The following MINAR1 variants were observed in gnomAD, a reference collection of about 807,000 sequenced individuals.
MINAR1 encodes the protein major intrinsically disordered Notch2-binding receptor 1.
MINAR1 carries 40 observed loss-of-function variants against 65.1 expected under a neutral mutation model. The observed-to-expected ratio is 0.61, with a 90% confidence interval of 0.48 to 0.80. The LOEUF (loss-of-function observed/expected upper bound fraction) is 0.80, where lower values mean the gene tolerates loss of function less well. Among genes scored for constraint, MINAR1 ranks in the 30% least tolerant of loss-of-function variants. The pLI, the probability that MINAR1 is intolerant of heterozygous loss-of-function variation, is 0.00. For missense variants in MINAR1, 1,128 were observed against 1,148.0 expected (o/e 0.98, Z 0.25); for synonymous variants, 482 against 449.1 (o/e 1.07, Z -0.93).
chr15:79,452,054 G>A (rs1895221751), intron 1 of MINAR1, among the ~76,000 whole-genome samples: 1 of 152,200 alleles, frequency 6.6e-6, no homozygotes, highest in Non-Finnish European at 1.5e-5. Flanking sequence ...GTGAATGTGT[G>A]TGTGTGCAGA....
chr15:79,420,062 G>A, the MINAR1 span: 1 of 151,224 alleles, frequency 6.6e-6, no homozygotes, highest in Non-Finnish European at 1.5e-5. Context: ...CAAAGACAAA[G>A]AAAATTCTTT....
At chr15:79,450,811 C>G (rs1895167403) in intron 1 of MINAR1, among the ~76,000 whole-genome samples, 1 of 152,188 alleles carries the variant, frequency 6.6e-6, no homozygotes, top group Admixed American at 6.5e-5. Flanking sequence ...TTTTTATAAC[C>G]TGCAGAGGGT....
chr15:79,418,164 G>T, the MINAR1 span: 1 of 152,190 alleles, frequency 6.6e-6, no homozygotes, highest in Non-Finnish European at 1.5e-5. Context: ...CCAGCAGAAA[G>T]CCCCACTCCT....
Position 79,468,402 on chromosome 15 carries a change from A to ACGTACAG in MINAR1, c.*20_*26dup, listed in dbSNP as rs1339002568. The ACGTACAG allele has an allele frequency of 6.2e-7, 1 of 1,610,224 alleles. No homozygotes were observed. Among genetic ancestry groups the ACGTACAG allele is most frequent in the Admixed American group, 1.7e-5 (1 of 59,806 alleles). On this transcript the variant is annotated 3_prime_UTR_variant, in exon 4 of 4. Transcript: ENST00000305428. ...AATCATGAGCTAAGAATGCAACCTT[A>ACGTACAG]CGTACAGCTTATGACTACCAATGTC...
intron 1 of MINAR1, among the ~76,000 whole-genome samples, chr15:79,451,628 GCTCACC>G (rs1895205260): frequency 7.2e-6 from 1 of 139,644 alleles, no homozygotes; most frequent in Admixed American, 7.2e-5. Flanking sequence ...GATCTCTGCT[GCTCACC>G]GGCTCCTCCT....
chr15:79,450,014 C>T (rs1567054164), intron 1 of MINAR1, among the ~76,000 whole-genome samples: 1 of 152,218 alleles, frequency 6.6e-6, no homozygotes, highest in Non-Finnish European at 1.5e-5. Context: ...TTCATCTCCC[C>T]CTTAATCGGG....
At chr15:79,466,233 G>A (rs2141307469) in intron 3 of MINAR1, among the ~76,000 whole-genome samples, 1 of 152,316 alleles carries the variant, frequency 6.6e-6, no homozygotes, top group East Asian at 1.9e-4. Flanking sequence ...GCGAGGGAAG[G>A]GACCAGGAAG....
At position 79,442,739 on chromosome 15, in the gene MINAR1, A is replaced by G. The variant is rs367911353; in HGVS notation, c.-51+10199A>G. On this transcript the variant is annotated intron_variant, in intron 1 of 3. Transcript: ENST00000305428. ...CTTTTTGGCAGGTCTCGGTAAAAGCAGATAAATTGGAACTTGTTTATCTAG... is the reference window on the plus strand; with the variant it reads ...CTTTTTGGCAGGTCTCGGTAAAAGCGGATAAATTGGAACTTGTTTATCTAG... Among the ~76,000 whole-genome samples the G allele has an allele frequency of 3.1e-3, 467 of 152,114 alleles. 4 individuals carry two copies. Among genetic ancestry groups the G allele is most frequent in the African/African-American group, 0.011 (451 of 41,442 alleles).
At chr15:79,455,297 TA>T (rs1895375723) in intron 1 of MINAR1, among the ~76,000 whole-genome samples, 1 of 152,244 alleles carries the variant, frequency 6.6e-6, no homozygotes, top group South Asian at 2.1e-4. Flanking sequence ...TGCATAATTT[TA>T]TACCATTATG....
upstream of MINAR1, among the ~76,000 whole-genome samples, chr15:79,429,060 A>G (rs1894382704): frequency 6.6e-6 from 1 of 152,222 alleles, no homozygotes; most frequent in African/African-American, 2.4e-5. Flanking sequence ...CACTGGAGAA[A>G]GAGGAGCTTT....
chr15:79,436,991 T>A (rs1168910087), intron 1 of MINAR1, among the ~76,000 whole-genome samples: 1 of 152,208 alleles, frequency 6.6e-6, no homozygotes. Context: ...GTGGCTCATG[T>A]GATTACCCCA....
rs1374399006 is a variant in MINAR1 at position 79,469,809 on chromosome 15, G to T, written c.*1425G>T. On this transcript the variant is annotated 3_prime_UTR_variant, in exon 4 of 4. Transcript: ENST00000305428. ...ACTAGCTACCTTATATATATTTTTT[G>T]ATAATAAGGTGGGATATAAATAGAT... 6.6e-6 allele frequency: 1 copy of T among 152,574 alleles called. No homozygotes were observed. The highest frequency in any genetic ancestry group is 1.5e-5 in the Non-Finnish European group (1 of 68,020). 9.5% of individuals were successfully genotyped at this position (152,574 alleles called of 1,614,324 possible).
chr15:79,455,772 A>G (rs138087615), intron 1 of MINAR1, among the ~76,000 whole-genome samples: 222 of 152,284 alleles, frequency 1.5e-3, no homozygotes, highest in Non-Finnish European at 2.6e-3. Context: ...TGTAGTTTCA[A>G]TGTTTGTAAA....
At chr15:79,450,386 G>A (rs772524231) in intron 1 of MINAR1, among the ~76,000 whole-genome samples, 2 of 152,134 alleles carry the variant, frequency 1.3e-5, no homozygotes, top group Non-Finnish European at 2.9e-5. Context: ...TAAGGCAGAC[G>A]CACAAAGTAA....
rs1390718525 is a variant in MINAR1 at position 79,456,895 on chromosome 15, G to A, written c.748G>A (p.Val250Ile). Residue 250 changes from valine to isoleucine, a missense_variant, in exon 2 of 4, where the codon GTC (valine) becomes ATC (isoleucine). By Grantham distance (29) the Val-to-Ile change is conservative. Coordinates refer to ENST00000305428, the MANE Select transcript of MINAR1 (RefSeq NM_015206.3). ...CATTTCCAATGAGGAGCCATTTGTGGTCCAGTCCTGTGTCCAGAAAAGGAA... is the reference window on the plus strand; with the variant it reads ...CATTTCCAATGAGGAGCCATTTGTGATCCAGTCCTGTGTCCAGAAAAGGAA... ...TFISNEEPFV[V>I]QSCVQKRNIF... is the part of the protein sequence containing the mutation. 1.9e-6 allele frequency: 3 copies of A among 1,613,976 alleles called. No individual in the cohort carries two copies. Among genetic ancestry groups the A allele is most frequent in the African/African-American group, 2.7e-5 (2 of 74,876 alleles).
intron 3 of MINAR1, chr15:79,463,755 C>T (rs1335734121): frequency 1.1e-5 from 5 of 458,794 alleles, no homozygotes; most frequent in Admixed American, 7.0e-5. Context: ...TACGGAGCAG[C>T]CCCAGGTAAG....
At chr15:79,413,824 T>A in the MINAR1 span, 3 of 152,222 alleles carry the variant, frequency 2.0e-5, no homozygotes, top group Non-Finnish European at 4.4e-5. Flanking sequence ...GCAGGTCTGA[T>A]TTGGTTATAG....
At position 79,461,747 on chromosome 15, in the gene MINAR1, A is replaced by G. The variant is rs555086550; in HGVS notation, c.2299-1320A>G. On this transcript the variant is annotated intron_variant, in intron 2 of 3. Coordinates refer to ENST00000305428, the MANE Select transcript of MINAR1 (RefSeq NM_015206.3). ...GTGTTTCCAGTCCCCATGCAGGTGT[A>G]GGACCCACACACTCACACATGTACA... Among the ~76,000 whole-genome samples the G allele has an allele frequency of 4.6e-5, 7 of 152,254 alleles. No individual in the cohort carries two copies. In the South Asian group the frequency reaches 1.5e-3, roughly 32 times the overall value.
At chr15:79,433,982 C>T (rs766543961) in intron 1 of MINAR1, among the ~76,000 whole-genome samples, 7 of 152,094 alleles carry the variant, frequency 4.6e-5, no homozygotes, top group Non-Finnish European at 5.9e-5. Context: ...GAGCAGGAGA[C>T]GGTGGTGAGT....
Sources: gnomAD v4.1 joint callset for allele counts (sites outside exome capture counted in the v4.1 genomes callset) on GRCh38, gnomAD v4.1.1 for gene constraint, MANE v1.5 for transcripts, NCBI Gene and HGNC (gene_info 2026-07-23, HGNC 2026-07-21) for gene names.